The following APOA4 variants were observed in gnomAD, a reference collection of about 807,000 sequenced individuals.
The protein encoded by APOA4 is apolipoprotein A-IV.
In APOA4, 25 loss-of-function variants were observed where a neutral mutation model predicts 33.6. The ratio of observed to expected loss-of-function variants is 0.74; its 90% CI spans 0.54 to 1.04. APOA4 has a LOEUF of 1.04. Among genes scored for constraint, APOA4 ranks in the 50% least tolerant of loss-of-function variants. APOA4 has a pLI of 0.00. For synonymous variants in APOA4, 228 were observed against 224.0 expected (o/e 1.02, Z -0.16); for missense variants, 549 against 510.4 (o/e 1.08, Z -0.73).
chr11:116,821,807 G>T lies in APOA4; in HGVS notation c.251C>A (p.Ala84Asp). ...GGCCAGGCGTTCATGCAGCTCGGTG[G>T]CAAAGGGCACCAGCTTCTTCTGCAG... ...GDLQKKLVPF[A>D]TELHERLAKD... The change falls in exon 3 of 3, where the codon GCC becomes GAC. Residue 84 changes from alanine to aspartate, a missense_variant. Ala to Asp is a moderately radical substitution (Grantham distance 126, BLOSUM62 -2). Coordinates refer to ENST00000357780, the MANE Select transcript of APOA4 (RefSeq NM_000482.4). The T allele has an allele frequency of 6.2e-7, 1 of 1,605,140 alleles. No homozygotes were observed. Among genetic ancestry groups the T allele is most frequent in the Non-Finnish European group, 8.5e-7 (1 of 1,171,820 alleles).
At position 116,821,758 on chromosome 11, in the gene APOA4, C is replaced by G. The variant is rs973963463; in HGVS notation, c.300G>C (p.Glu100Asp). 4.5e-6 allele frequency: 7 copies of G among 1,560,650 alleles called. No individual in the cohort carries two copies. Among genetic ancestry groups the G allele is most frequent in the Non-Finnish European group, 6.2e-6 (7 of 1,131,384 alleles). ...RLAKDSEKLK[E>D]EIGKELEELR... ...GCTCCTCCAGCTCCTTCCCAATCTC[C>G]TCCTTCAGTTTCTCCGAGTCCTTGG... is the stretch of plus-strand genomic sequence containing the variant. Residue 100 changes from glutamate to aspartate, a missense_variant, in exon 3 of 3, where the codon GAG becomes GAC. Coordinates refer to ENST00000357780, the MANE Select transcript of APOA4 (RefSeq NM_000482.4).
Position 116,822,097 on chromosome 11 carries a change from G to C in APOA4, c.177-216C>G, listed in dbSNP as rs5098. 0.018 allele frequency among the ~76,000 whole-genome samples: 2,744 copies of C among 152,250 alleles called. 71 individuals carry two copies. Among genetic ancestry groups the C allele is most frequent in the African/African-American group, 0.062 (2,564 of 41,532 alleles). ...TTTCTATCTCAGGATCTCCCACATA[G>C]TTTGTCTCAGAATCTACCCACCATG... On this transcript the variant is annotated intron_variant, in intron 2 of 2. Transcript: ENST00000357780.
Position 116,821,891 on chromosome 11 carries a change from A to G in APOA4, c.177-10T>C. 6.2e-7 allele frequency: 1 copy of G among 1,612,698 alleles called. No homozygotes were observed. Among genetic ancestry groups the G allele is most frequent in the Non-Finnish European group, 8.5e-7 (1 of 1,180,024 alleles). On this transcript the variant is annotated splice_polypyrimidine_tract_variant and intron_variant, in intron 2 of 2. Coordinates refer to ENST00000357780, the MANE Select transcript of APOA4 (RefSeq NM_000482.4). Reference sequence around the variant, plus strand: ...GTCCTGGAAGAGGGCACTGTGGGGAAGGGCACAAGGAGGCCACGTTACATT... The same window carrying G: ...GTCCTGGAAGAGGGCACTGTGGGGAGGGGCACAAGGAGGCCACGTTACATT...
rs140566468 is a variant in APOA4 at position 116,821,459 on chromosome 11, C to G, written c.599G>C (p.Arg200Pro). The G allele has an allele frequency of 1.9e-6, 3 of 1,614,196 alleles. No individual in the cohort carries two copies. The highest frequency in any genetic ancestry group is 2.5e-6 in the Non-Finnish European group (3 of 1,180,028). ...IDQNVEELKG[R>P]LTPYADEFKV... Reference sequence around the variant, plus strand: ...GAATTCGTCAGCGTAGGGCGTAAGGCGTCCCTTGAGCTCCTCCACGTTCTG... The same window carrying G: ...GAATTCGTCAGCGTAGGGCGTAAGGGGTCCCTTGAGCTCCTCCACGTTCTG... The change falls in exon 3 of 3, where the codon CGC (arginine) becomes CCC (proline). Residue 200 changes from arginine to proline, a missense_variant. Coordinates refer to ENST00000357780, the MANE Select transcript of APOA4 (RefSeq NM_000482.4).
rs536561018 is a variant in APOA4 at position 116,820,896 on chromosome 11, C to A, written c.1162G>T (p.Val388Leu). The A allele has an allele frequency of 6.2e-7, 1 of 1,613,294 alleles. No homozygotes were observed. Among genetic ancestry groups the A allele is most frequent in the East Asian group, 2.2e-5 (1 of 44,888 alleles). Residue 388 changes from valine (V) to leucine (L), a missense_variant, in exon 3 of 3, where the codon GTG becomes TTG. Transcript: ENST00000357780. ...CTCTCCAAAGGGGCCAGCATCTGCACCTGCTCCTGCTGCTGCTCCTGCTGC... is the reference window on the plus strand; with the variant it reads ...CTCTCCAAAGGGGCCAGCATCTGCAACTGCTCCTGCTGCTGCTCCTGCTGC... ...EQQQEQQQEQ[V>L]QMLAPLES
chr11:116,821,895 C>A lies in APOA4; in HGVS notation c.177-14G>T. On this transcript the variant is annotated splice_polypyrimidine_tract_variant and intron_variant, in intron 2 of 2. Coordinates refer to ENST00000357780, the MANE Select transcript of APOA4 (RefSeq NM_000482.4). Reference sequence around the variant, plus strand: ...TGGAAGAGGGCACTGTGGGGAAGGGCACAAGGAGGCCACGTTACATTTGGC... The same window carrying A: ...TGGAAGAGGGCACTGTGGGGAAGGGAACAAGGAGGCCACGTTACATTTGGC... 2 of 1,612,152 alleles carry A rather than the reference C, an allele frequency of 1.2e-6. No individual in the cohort carries two copies. Among genetic ancestry groups the A allele is most frequent in the Non-Finnish European group, 1.7e-6 (2 of 1,180,030 alleles).
In APOA4 at chr11:116,821,220, C is replaced by T. The variant is rs1211467486; in HGVS notation, c.838G>A (p.Gly280Ser). 1 of 1,613,250 alleles carries T rather than the reference C, an allele frequency of 6.2e-7. No individual in the cohort carries two copies. Among genetic ancestry groups the T allele is most frequent in the East Asian group, 2.2e-5 (1 of 44,886 alleles). ...LAEDVRGNLR[G>S]NTEGLQKSLA... ...GACTTCTGCAGCCCCTCGGTGTTGC[C>T]CCTCAGGTTGCCACGCACGTCCTCG... The change falls in exon 3 of 3, where the codon GGC becomes AGC. Residue 280 changes from glycine to serine, a missense_variant. Coordinates refer to ENST00000357780, the MANE Select transcript of APOA4 (RefSeq NM_000482.4).
At chr11:116,822,031 T>C in intron 2 of APOA4, 150 bp from the exon 3 acceptor site, 1 of 950,346 alleles carries the variant, frequency 1.1e-6, no homozygotes, top group South Asian at 1.3e-5. Flanking sequence ...GTGGTGCAGA[T>C]TGGAGAGGAT....
rs5103 is a variant in APOA4 at position 116,821,836 on chromosome 11, A to G, written c.222T>C (p.Gly74=). 55,000 of 1,613,744 alleles carry G rather than the reference A, an allele frequency of 0.034. 1,075 individuals are homozygous for G. Among genetic ancestry groups the G allele is most frequent in the East Asian group, 0.044 (1,991 of 44,866 alleles). Residue 74 remains glycine, a synonymous_variant, in exon 3 of 3, where the codon GGT becomes GGC. Transcript: ENST00000357780. ...AGGGCACCAGCTTCTTCTGCAGGTCACCTGCGTAAGTGTTCACTTCTCCAA... is the reference window on the plus strand; with the variant it reads ...AGGGCACCAGCTTCTTCTGCAGGTCGCCTGCGTAAGTGTTCACTTCTCCAA... The part of the protein sequence containing the change: ...DKLGEVNTYA[G]DLQKKLVPFA...
chr11:116,820,851 G>C lies in APOA4; in HGVS notation c.*16C>G. On this transcript the variant is annotated 3_prime_UTR_variant, in exon 3 of 3. Transcript: ENST00000357780. ...GCAGGTGTCCACGAGGGTGGGGCCA[G>C]TGCACCAGGGGCAGCTCAGCTCTCC... The C allele has an allele frequency of 2.5e-6, 4 of 1,612,752 alleles. No homozygotes were observed. The highest frequency in any genetic ancestry group is 3.4e-6 in the Non-Finnish European group (4 of 1,179,396).
Position 116,821,314 on chromosome 11 carries a change from G to C in APOA4, c.744C>G (p.Asn248Lys), listed in dbSNP as rs1014274903. ...LEGLTFQMKK[N>K]AEELKARISA... ...AGATCCTGGCCTTGAGCTCCTCGGC[G>C]TTCTTCTTCATCTGGAAGGTCAGGC... The change falls in exon 3 of 3, where the codon AAC becomes AAG. Residue 248 changes from asparagine to lysine, a missense_variant. By Grantham distance (94) the Asn-to-Lys change is moderately conservative (BLOSUM62 0). Coordinates refer to ENST00000357780, the MANE Select transcript of APOA4 (RefSeq NM_000482.4). The C allele has an allele frequency of 6.2e-7, 1 of 1,614,032 alleles. No individual in the cohort carries two copies. Among genetic ancestry groups the C allele is most frequent in the Non-Finnish European group, 8.5e-7 (1 of 1,180,024 alleles).
chr11:116,823,226 C>T lies in APOA4; in HGVS notation c.-35G>A, dbSNP rs758401774. 8.5e-5 allele frequency: 137 copies of T among 1,613,410 alleles called. No individual in the cohort carries two copies. Among genetic ancestry groups the T allele is most frequent in the Non-Finnish European group, 1.1e-4 (124 of 1,179,520 alleles). On this transcript the variant is annotated 5_prime_UTR_variant, in exon 1 of 3. Transcript: ENST00000357780. ...CTTGCTGGGCTGGAGGAGTTTCTTG[C>T]CACACTGGATCCTCCCTACAATCAG... is the stretch of plus-strand genomic sequence containing the variant.
chr11:116,822,794 T>C lies in APOA4; in HGVS notation c.50-9A>G. On this transcript the variant is annotated splice_polypyrimidine_tract_variant and intron_variant, in intron 1 of 2. Coordinates refer to ENST00000357780, the MANE Select transcript of APOA4 (RefSeq NM_000482.4). ...GACCTCAGCCCTGGCTCCTGGGTGG[T>C]AACAGAGAGCAATTCATGAGGCCCC... is the stretch of plus-strand genomic sequence containing the variant. The C allele has an allele frequency of 6.2e-7, 1 of 1,614,058 alleles. No homozygotes were observed. The highest frequency in any genetic ancestry group is 8.5e-7 in the Non-Finnish European group (1 of 1,180,040).
chr11:116,821,469 G>A lies in APOA4; in HGVS notation c.589C>T (p.Leu197Phe), dbSNP rs1006964182. 6.2e-7 allele frequency: 1 copy of A among 1,614,194 alleles called. No individual in the cohort carries two copies. Among genetic ancestry groups the A allele is most frequent in the Non-Finnish European group, 8.5e-7 (1 of 1,180,028 alleles). The change falls in exon 3 of 3, where the codon CTC becomes TTC. Residue 197 changes from leucine (L) to phenylalanine (F), a missense_variant. By Grantham distance (22) the Leu-to-Phe change is conservative. Transcript: ENST00000357780. The stretch of plus-strand genomic sequence containing the variant: ...GCGTAGGGCGTAAGGCGTCCCTTGA[G>A]CTCCTCCACGTTCTGGTCGATCTTG... ...KAKIDQNVEE[L>F]KGRLTPYADE...
rs1476163515 is a variant in APOA4, at chr11:116,821,725, G to A, written c.333C>T (p.Ala111=). 3 of 1,542,708 alleles carry A rather than the reference G, an allele frequency of 1.9e-6. No homozygotes were observed. The highest frequency in any genetic ancestry group is 1.8e-6 in the Non-Finnish European group (2 of 1,116,374). Residue 111 remains alanine (A), a synonymous_variant, in exon 3 of 3, where the codon GCC becomes GCT. Coordinates refer to ENST00000357780, the MANE Select transcript of APOA4 (RefSeq NM_000482.4). The part of the protein sequence containing the change: ...EIGKELEELR[A]RLLPHANEVS... ...CCTCATTGGCATGGGGCAGCAGCCG[G>A]GCCCTCAGCTCCTCCAGCTCCTTCC...
rs1322409487 is a variant in APOA4 at position 116,821,254 on chromosome 11, C to T, written c.804G>A (p.Ala268=). The T allele has an allele frequency of 4.3e-6, 7 of 1,613,044 alleles. No individual in the cohort carries two copies. The Admixed American group carries it at 5.0e-5, about 12-fold the overall frequency. The stretch of plus-strand genomic sequence containing the variant: ...TGCCACGCACGTCCTCGGCCAAGGG[C>T]GCCAGCCTCTGCCGCAGCTCCTCGG... ...ASAEELRQRL[A]PLAEDVRGNL... The change falls in exon 3 of 3, where the codon GCG becomes GCA. Residue 268 remains alanine (A), a synonymous_variant. Coordinates refer to ENST00000357780, the MANE Select transcript of APOA4 (RefSeq NM_000482.4).
At position 116,821,543 on chromosome 11, in the gene APOA4, G is replaced by T. The variant is rs201590379; in HGVS notation, c.515C>A (p.Ala172Asp). The change falls in exon 3 of 3, where the codon GCC becomes GAC. Residue 172 changes from alanine to aspartate, a missense_variant. By Grantham distance (126) the Ala-to-Asp change is moderately radical. Coordinates refer to ENST00000357780, the MANE Select transcript of APOA4 (RefSeq NM_000482.4). ...QRMERVLREN[A>D]DSLQASLRPH... ...CCTCAGCGAGGCCTGCAGGCTGTCG[G>T]CGTTCTCCCGCAGCACTCTCTCCAT... The T allele has an allele frequency of 2.5e-6, 4 of 1,612,650 alleles. No homozygotes were observed. The Admixed American group carries it at 6.7e-5, about 27-fold the overall frequency.
At chr11:116,822,864 G>C in intron 1 of APOA4, 79 bp from the exon 2 acceptor site, 2 of 1,603,168 alleles carry the variant, frequency 1.2e-6, no homozygotes, top group South Asian at 2.2e-5. Context: ...CTGCAGACTG[G>C]ATGATGGTGG....
Position 116,821,789 on chromosome 11 carries a change from C to A in APOA4, c.269G>T (p.Arg90Leu). 1 of 1,587,426 alleles carries A rather than the reference C, an allele frequency of 6.3e-7. No individual in the cohort carries two copies. Among genetic ancestry groups the A allele is most frequent in the Non-Finnish European group, 8.7e-7 (1 of 1,155,642 alleles). The change falls in exon 3 of 3, where the codon CGC (arginine) becomes CTC (leucine). Residue 90 changes from arginine to leucine, a missense_variant. Coordinates refer to ENST00000357780, the MANE Select transcript of APOA4 (RefSeq NM_000482.4). ...CAGTTTCTCCGAGTCCTTGGCCAGG[C>A]GTTCATGCAGCTCGGTGGCAAAGGG... ...LVPFATELHERLAKDSEKLKE... is the reference protein window; with the variant it reads ...LVPFATELHELLAKDSEKLKE...
Sources: gnomAD v4.1 joint callset for allele counts (sites outside exome capture counted in the v4.1 genomes callset) on GRCh38, gnomAD v4.1.1 for gene constraint, MANE v1.5 for transcripts, NCBI Gene and HGNC (gene_info 2026-07-23, HGNC 2026-07-21) for gene names.